AKAP13: variants seen among roughly 807,000 people sequenced by gnomAD.
The protein encoded by AKAP13 is A-kinase anchoring protein 13, also known as A-kinase anchor protein 13.
In AKAP13, 80 loss-of-function variants were observed where a neutral mutation model predicts 264.5. The ratio of observed to expected loss-of-function variants is 0.30; its 90% confidence interval spans 0.25 to 0.36. The LOEUF (loss-of-function observed/expected upper bound fraction) is 0.36. Among genes scored for constraint, AKAP13 ranks in the 10% least tolerant of loss-of-function variants. The pLI, the probability that AKAP13 is intolerant of heterozygous loss-of-function variation, is 1.00. For missense variants in AKAP13, 3,712 were observed against 3,435.2 expected (o/e 1.08, Z -2.01); for synonymous variants, 1,380 against 1,250.2 (o/e 1.10, Z -2.19).
At chr15:85,698,465 CAAAAAAAA>C (rs35509705) in intron 17 of AKAP13, among the ~76,000 whole-genome samples, 1 of 103,976 alleles carries the variant, frequency 9.6e-6, no homozygotes, top group Non-Finnish European at 1.8e-5. Context: ...ACTCTGTCTC[CAAAAAAAA>C]AAAAAAAAAG....
At chr15:85,664,908 T>C (rs1198553389) in intron 13 of AKAP13, among the ~76,000 whole-genome samples, 153 bp downstream of exon 13, 2 of 152,182 alleles carry the variant, frequency 1.3e-5, no homozygotes, top group African/African-American at 4.8e-5. Context: ...GTTTAGCACC[T>C]AATTAAAAAG....
Position 85,693,263 on chromosome 15 carries a change from C to T in AKAP13, c.5290-14C>T, listed in dbSNP as rs1409491091. 35 of 1,586,660 alleles carry T rather than the reference C, an allele frequency of 2.2e-5. No homozygotes were observed. Among genetic ancestry groups the T allele is most frequent in the Non-Finnish European group, 2.9e-5 (34 of 1,171,448 alleles). ...TGTTCAATTAACTGTGGATTATTTT[C>T]TTTTCTTCGGCAGGAAAAGGAAAAA... On this transcript the variant is annotated splice_polypyrimidine_tract_variant and intron_variant, in intron 16 of 36. Coordinates refer to ENST00000394518, the MANE Select transcript of AKAP13 (RefSeq NM_007200.5).
chr15:85,579,443 T>G lies in AKAP13; in HGVS notation c.1375T>G (p.Tyr459Asp). The G allele has an allele frequency of 6.2e-7, 1 of 1,614,180 alleles. No homozygotes were observed. The highest frequency in any genetic ancestry group is 8.5e-7 in the Non-Finnish European group (1 of 1,180,012). The stretch of plus-strand genomic sequence containing the variant: ...GGTCATGGAGCCAGGCACAGCCCAG[T>G]ATTCCTCTGGAGGTGAACTGGGAGG... ...DLVMEPGTAQYSSGGELGGIS... is the reference protein window; with the variant it reads ...DLVMEPGTAQDSSGGELGGIS... The change falls in exon 7 of 37, where the codon TAT (tyrosine) becomes GAT (aspartate). Residue 459 changes from tyrosine to aspartate, a missense_variant. By Grantham distance (160) the Tyr-to-Asp change is radical. Around this residue, in one of 3 missense-constraint regions of AKAP13, gnomAD observed 2,759 missense variants for 2,411.7 expected, o/e 1.14. Transcript: ENST00000394518.
At chr15:85,738,185 G>A (rs1478432563) in intron 33 of AKAP13, among the ~76,000 whole-genome samples, 2 of 151,674 alleles carry the variant, frequency 1.3e-5, no homozygotes, top group African/African-American at 4.8e-5. Flanking sequence ...ATCACTTGAG[G>A]TCAGGAGTTC....
chr15:85,430,086 A>G (rs1461323737), intron 1 of AKAP13, among the ~76,000 whole-genome samples: 2 of 152,176 alleles, frequency 1.3e-5, no homozygotes, highest in Admixed American at 6.5e-5. Context: ...ATTTATTTGC[A>G]TATCTTTTGG....
intron 8 of AKAP13, among the ~76,000 whole-genome samples, chr15:85,613,703 T>TGTGTGTGTATATATATGTATAC (rs2080800250): frequency 8.0e-6 from 1 of 124,300 alleles, no homozygotes. Context: ...TATATATATA[T>TGTGTGTGTATATATATGTATAC]ATATATATAT....
chr15:85,696,027 A>T (rs1349272389), intron 17 of AKAP13, among the ~76,000 whole-genome samples: 1 of 152,220 alleles, frequency 6.6e-6, no homozygotes, highest in Non-Finnish European at 1.5e-5. Flanking sequence ...CATTTTTAGC[A>T]TACTCACATA....
At chr15:85,658,285 TA>T (rs2151527240) in intron 11 of AKAP13, among the ~76,000 whole-genome samples, 1 of 152,342 alleles carries the variant, frequency 6.6e-6, no homozygotes, top group East Asian at 1.9e-4. Context: ...TTTAATAATT[TA>T]ATAAACTTTG....
chr15:85,675,047 A>G (rs896276163), intron 14 of AKAP13, among the ~76,000 whole-genome samples: 1 of 152,186 alleles, frequency 6.6e-6, no homozygotes, highest in African/African-American at 2.4e-5. Flanking sequence ...GTAAAATTGA[A>G]TTGCTCTGTT....
At chr15:85,396,438 C>T (rs1248056249) in intron 1 of AKAP13, among the ~76,000 whole-genome samples, 1 of 152,174 alleles carries the variant, frequency 6.6e-6, no homozygotes, top group East Asian at 1.9e-4. Context: ...AGAATTGACT[C>T]ATATACTCAT....
intron 10 of AKAP13, among the ~76,000 whole-genome samples, chr15:85,650,722 C>T (rs532927949): frequency 8.2e-6 from 1 of 121,236 alleles, no homozygotes; most frequent in East Asian, 2.4e-4. Flanking sequence ...TGCCACCATA[C>T]TCCAGCCTGG....
chr15:85,738,684 A>C (rs905902069), intron 33 of AKAP13, among the ~76,000 whole-genome samples: 3 of 151,332 alleles, frequency 2.0e-5, no homozygotes, highest in African/African-American at 7.3e-5. Flanking sequence ...TAAAAATACA[A>C]AAAATTAGCC....
In AKAP13 at chr15:85,725,924, T is replaced by C. The variant is rs1351600651; in HGVS notation, c.6746-486T>C. Among the ~76,000 whole-genome samples the C allele has an allele frequency of 3.3e-5, 5 of 152,338 alleles. No homozygotes were observed. The East Asian group carries it at 7.7e-4, about 23-fold the overall frequency. On this transcript the variant is annotated intron_variant, in intron 26 of 36. Coordinates refer to ENST00000394518, the MANE Select transcript of AKAP13 (RefSeq NM_007200.5). Reference sequence around the variant, plus strand: ...GAGGGCATGGAAGACGTCTTTTCATTAGACTTAGATATTTCTATACTTCAT... The same window carrying C: ...GAGGGCATGGAAGACGTCTTTTCATCAGACTTAGATATTTCTATACTTCAT...
rs2083060443 is a variant in AKAP13 at position 85,655,693 on chromosome 15, C to T, written c.4651C>T (p.Leu1551=). 1.9e-6 allele frequency: 3 copies of T among 1,614,092 alleles called. No individual in the cohort carries two copies. The highest frequency in any genetic ancestry group is 1.7e-5 in the Admixed American group (1 of 60,008). ...ITEVPANCSV[L]RSSMRSLSPF... is the part of the protein sequence containing the mutation. ...TGAAGTGCCTGCAAACTGCTCTGTC[C>T]TAAGGAGCTCCATGCGCTCTCTTTC... Residue 1551 remains leucine, a synonymous_variant, in exon 11 of 37, where the codon CTA becomes TTA. Coordinates refer to ENST00000394518, the MANE Select transcript of AKAP13 (RefSeq NM_007200.5).
In AKAP13 at chr15:85,609,785, A is replaced by G. The variant is rs531059518; in HGVS notation, c.4161+23962A>G. Among the ~76,000 whole-genome samples the G allele has an allele frequency of 2.0e-4, 31 of 152,324 alleles. No individual in the cohort carries two copies. In the East Asian group the frequency reaches 6.0e-3, roughly 29 times the overall value. On this transcript the variant is annotated intron_variant, in intron 8 of 36. Coordinates refer to ENST00000394518, the MANE Select transcript of AKAP13 (RefSeq NM_007200.5). ...TCTGTCATACCTGGCATTCATTAAC[A>G]TCTTTACCTTCACTCACACTCTTCA...
intron 8 of AKAP13, among the ~76,000 whole-genome samples, chr15:85,617,112 A>T (rs547040812): frequency 6.6e-6 from 1 of 152,246 alleles, no homozygotes; most frequent in East Asian, 1.9e-4. Flanking sequence ...CTGAAGACAG[A>T]CACCTTGTTA....
chr15:85,611,292 A>G (rs760970796), intron 8 of AKAP13, among the ~76,000 whole-genome samples: 12 of 152,112 alleles, frequency 7.9e-5, no homozygotes, highest in Non-Finnish European at 1.6e-4. Context: ...ACTGCCTACC[A>G]TGGCTCTGCT....
At chr15:85,543,703 T>C in intron 4 of AKAP13, 69 bp from the exon 5 acceptor site, 2 of 1,476,284 alleles carry the variant, frequency 1.4e-6, no homozygotes, top group Non-Finnish European at 9.1e-7. Flanking sequence ...ACATAACTTG[T>C]CTTTATGTTT....
chr15:85,554,454 G>C (rs2078068915), intron 5 of AKAP13, among the ~76,000 whole-genome samples: 1 of 152,112 alleles, frequency 6.6e-6, no homozygotes, highest in Non-Finnish European at 1.5e-5. Flanking sequence ...CCCCACAATT[G>C]TAACTATCTC....
Sources: allele counts gnomAD v4.1 joint callset (sites outside exome capture counted in the v4.1 genomes callset), GRCh38; gene constraint gnomAD v4.1.1; regional missense constraint gnomAD v4.1.1; transcripts MANE v1.5; gene names NCBI Gene and HGNC (gene_info 2026-07-23, HGNC 2026-07-21).